Variants in PPP3CA observed in about 807,000 individuals in gnomAD.
PPP3CA encodes protein phosphatase 3 catalytic subunit alpha, also known as CAM-PRP catalytic subunit.
A neutral mutation model predicts 66.5 loss-of-function variants in PPP3CA; 14 were observed. The observed-to-expected ratio is 0.21, with a 90% CI of 0.14 to 0.33. The LOEUF is 0.33. Among genes scored for constraint, PPP3CA ranks in the 10% least tolerant of loss-of-function variants. The pLI is 1.00. For synonymous variants in PPP3CA, 232 were observed against 226.2 expected, an observed-to-expected ratio of 1.03 and a Z score of -0.23; for missense variants, 317 against 639.5, an observed-to-expected ratio of 0.50 and a Z score of 5.44.
At chr4:101,143,742 T>A (rs112973280) in intron 2 of PPP3CA, among the ~76,000 whole-genome samples, 1 of 152,160 alleles carries the variant, frequency 6.6e-6, no homozygotes, top group Admixed American at 6.5e-5. Context: ...ATTTTACCAC[T>A]GTCTACACAA....
At chr4:101,292,066 T>C (rs1728044569) in intron 1 of PPP3CA, among the ~76,000 whole-genome samples, 1 of 146,070 alleles carries the variant, frequency 6.8e-6, no homozygotes, top group Admixed American at 7.1e-5. Context: ...AGTTCGAGGC[T>C]GCACTGAGCC....
At chr4:101,235,431 T>TCTCA (rs1553934726) in intron 1 of PPP3CA, among the ~76,000 whole-genome samples, 1 of 148,170 alleles carries the variant, frequency 6.7e-6, no homozygotes, top group African/African-American at 2.5e-5. Flanking sequence ...AAACATACAC[T>TCTCA]CACACACACA....
chr4:101,219,871 C>T (rs994494130), intron 1 of PPP3CA, among the ~76,000 whole-genome samples: 1 of 151,768 alleles, frequency 6.6e-6, no homozygotes, highest in Non-Finnish European at 1.5e-5. Context: ...ATGAGATACA[C>T]AAATGCATAG....
chr4:101,138,445 T>C (rs1298012661), intron 2 of PPP3CA, among the ~76,000 whole-genome samples: 2 of 152,236 alleles, frequency 1.3e-5, no homozygotes, highest in Non-Finnish European at 2.9e-5. Context: ...ATATAAATGG[T>C]AGCTATTATT....
intron 13 of PPP3CA, among the ~76,000 whole-genome samples, chr4:101,026,777 T>C (rs1726674202): frequency 6.6e-6 from 1 of 152,160 alleles, no homozygotes; most frequent in Admixed American, 6.5e-5. Context: ...ATGTATCGTC[T>C]GCCCTTCAGC....
intron 2 of PPP3CA, among the ~76,000 whole-genome samples, chr4:101,193,563 C>T (rs960093789): frequency 6.6e-6 from 1 of 152,126 alleles, no homozygotes; most frequent in African/African-American, 2.4e-5. Context: ...GCTCACCTAT[C>T]TAAATCCACA....
chr4:101,222,660 T>C (rs1725662617), intron 1 of PPP3CA, among the ~76,000 whole-genome samples: 1 of 151,714 alleles, frequency 6.6e-6, no homozygotes, highest in Non-Finnish European at 1.5e-5. Flanking sequence ...TTCATTGCAC[T>C]GATGAAAATG....
intron 1 of PPP3CA, among the ~76,000 whole-genome samples, chr4:101,286,498 G>A (rs899816278): frequency 7.2e-5 from 11 of 152,166 alleles, no homozygotes; most frequent in African/African-American, 2.7e-4. Context: ...AAGTTACCAA[G>A]AAGGTAGAAA....
At chr4:101,335,372 T>C (rs751359349) in intron 1 of PPP3CA, among the ~76,000 whole-genome samples, 2 of 151,916 alleles carry the variant, frequency 1.3e-5, no homozygotes, top group South Asian at 2.1e-4. Flanking sequence ...GCTGTCTTTG[T>C]GGCATGATTT....
intron 11 of PPP3CA, among the ~76,000 whole-genome samples, chr4:101,040,056 A>G (rs116666225): frequency 3.3e-5 from 5 of 152,234 alleles, no homozygotes; most frequent in Admixed American, 2.0e-4. Context: ...ACATAGATTC[A>G]CATGAACAGC....
chr4:101,185,455 T>C (rs1479511307), intron 2 of PPP3CA, among the ~76,000 whole-genome samples: 1 of 152,174 alleles, frequency 6.6e-6, no homozygotes, highest in Non-Finnish European at 1.5e-5. Context: ...AGCTAAACTT[T>C]TGAAACATGG....
chr4:101,102,656 A>T (rs1403166863), intron 3 of PPP3CA, among the ~76,000 whole-genome samples: 1 of 152,178 alleles, frequency 6.6e-6, no homozygotes, highest in Non-Finnish European at 1.5e-5. Flanking sequence ...ATTCTGAAGA[A>T]CTGAAGATCT....
intron 2 of PPP3CA, among the ~76,000 whole-genome samples, chr4:101,139,014 A>G (rs1722711883): frequency 6.6e-6 from 1 of 152,212 alleles, no homozygotes; most frequent in Non-Finnish European, 1.5e-5. Flanking sequence ...CAAATAAAAC[A>G]GTAAACAATC....
chr4:101,232,784 C>T (rs1189921854), intron 1 of PPP3CA, among the ~76,000 whole-genome samples: 5 of 147,508 alleles, frequency 3.4e-5, no homozygotes, highest in Non-Finnish European at 7.4e-5. Flanking sequence ...TAAATAAAAA[C>T]ATACTATTAT....
intron 1 of PPP3CA, among the ~76,000 whole-genome samples, chr4:101,322,573 C>G (rs1349981899): frequency 6.6e-6 from 1 of 151,960 alleles, no homozygotes; most frequent in Non-Finnish European, 1.5e-5. Flanking sequence ...AAACACCCGG[C>G]TAATTTTTGT....
intron 11 of PPP3CA, among the ~76,000 whole-genome samples, chr4:101,035,224 G>C (rs1487388620): frequency 6.6e-6 from 1 of 152,052 alleles, no homozygotes; most frequent in Admixed American, 6.5e-5. Context: ...AGCAGAGATC[G>C]TGCCACTGCA....
chr4:101,268,530 T>C (rs1364445398), intron 1 of PPP3CA, among the ~76,000 whole-genome samples: 1 of 152,110 alleles, frequency 6.6e-6, no homozygotes, highest in African/African-American at 2.4e-5. Flanking sequence ...TATACCACTA[T>C]AAAAACCTGC....
chr4:101,305,241 G>A (rs572522595), intron 1 of PPP3CA, among the ~76,000 whole-genome samples: 1 of 152,222 alleles, frequency 6.6e-6, no homozygotes, highest in South Asian at 2.1e-4. Flanking sequence ...GTTTTCAGGC[G>A]GTGTTTCTTT....
At chr4:101,085,332 C>T (rs77565369) in intron 6 of PPP3CA, among the ~76,000 whole-genome samples, 3,543 of 152,206 alleles carry the variant, frequency 0.023, 63 homozygotes, top group Middle Eastern at 0.088. Flanking sequence ...GACTTAGTTG[C>T]CCTTTCTTAT....
Sources: gnomAD v4.1 joint callset for allele counts (sites outside exome capture counted in the v4.1 genomes callset) on GRCh38, gnomAD v4.1.1 for gene constraint, MANE v1.5 for transcripts, NCBI Gene and HGNC (gene_info 2026-07-23, HGNC 2026-07-21) for gene names.